MYO15B: variants seen among roughly 807,000 people sequenced by gnomAD.
MYO15B encodes myosin XVB.
In MYO15B, 207 loss-of-function variants were observed where a neutral mutation model predicts 119.3. The ratio of observed to expected loss-of-function variants is 1.73; its 90% CI spans 1.55 to 1.95. The LOEUF is 1.95. Ranked by LOEUF, MYO15B falls within the 30% of genes most tolerant of loss-of-function variation. MYO15B has a pLI of 0.00. For missense variants in MYO15B, 2,264 were observed against 1,203.1 expected (o/e 1.88, Z -13.04); for synonymous variants, 966 against 498.9 (o/e 1.94, Z -12.48).
Position 75,616,141 on chromosome 17 carries a change from AG to A in MYO15B, c.6105del (p.Met2036TrpfsTer8), listed in dbSNP as rs2058357073. On this transcript the variant is annotated frameshift_variant, in exon 37 of 64. Coordinates refer to ENST00000645453, the Ensembl canonical transcript of MYO15B. LOFTEE classifies it high-confidence loss of function. Reference sequence around the variant, plus strand: ...CCAGCAGAAACGGAACTATTTCCAGAGGATGGGTGAGGGCACTTGGGGTGGC... The same window carrying A: ...CCAGCAGAAACGGAACTATTTCCAGAGATGGGTGAGGGCACTTGGGGTGGC... 1 of 563,666 alleles carries A rather than the reference AG, an allele frequency of 1.8e-6. No homozygotes were observed. Among genetic ancestry groups the A allele is most frequent in the South Asian group, 2.4e-5 (1 of 41,248 alleles). 34.9% of individuals were successfully genotyped at this position (563,666 alleles called of 1,614,324 possible).
intron 21 of MYO15B, among the ~76,000 whole-genome samples, chr17:75,609,186 A>G (rs1024341570): frequency 6.6e-6 from 1 of 150,422 alleles, no homozygotes; most frequent in Non-Finnish European, 1.5e-5. Context: ...CAGTGGTGTT[A>G]CTTTTTAATA....
chr17:75,614,531 T>C, intron 30 of MYO15B, 52 bp from the exon 31 acceptor site: 1 of 583,250 alleles, frequency 1.7e-6, no homozygotes, highest in East Asian at 3.4e-5. Flanking sequence ...TGCCCCAGCC[T>C]GGGTGACCCT....
chr17:75,605,936 G>A (rs893414998), exon 21 of MYO15B: 4 of 702,562 alleles, frequency 5.7e-6, no homozygotes, highest in African/African-American at 3.5e-5. Flanking sequence ...GGCCCTGGTC[G>A]ACCTGCACCG....
Position 75,603,018 on chromosome 17 carries a change from C to T in MYO15B, c.3846-14C>T, listed in dbSNP as rs753415810. On this transcript the variant is annotated splice_polypyrimidine_tract_variant and intron_variant, in intron 17 of 63. Coordinates refer to ENST00000645453, the Ensembl canonical transcript of MYO15B. ...TCCAGTCTGTGCCCGAGTGACCCCT[C>T]TTTCCCTCATCAGGAGCCATGTCTA... is the stretch of plus-strand genomic sequence containing the variant. 51 of 703,190 alleles carry T rather than the reference C, an allele frequency of 7.3e-5. No homozygotes were observed. Among genetic ancestry groups the T allele is most frequent in the Non-Finnish European group, 1.2e-4 (46 of 385,056 alleles). 43.6% of individuals were successfully genotyped at this position (703,190 alleles called of 1,614,324 possible). A position where few individuals can be genotyped will look rare whatever the true frequency, so the allele number is the denominator to read the frequency against.
chr17:75,615,317 G>T (rs1332457943), exon 34 of MYO15B: 3 of 702,506 alleles, frequency 4.3e-6, no homozygotes, highest in Non-Finnish European at 7.8e-6. Flanking sequence ...GCCAGCAATG[G>T]GCACAGTCCC....
intron 9 of MYO15B, among the ~76,000 whole-genome samples, chr17:75,593,445 A>G (rs1288774732): frequency 6.6e-6 from 1 of 152,026 alleles, no homozygotes; most frequent in East Asian, 1.9e-4. Context: ...TAAAAATACA[A>G]AAATTAGCTG....
At chr17:75,593,044 C>A in intron 9 of MYO15B, 1 of 530,698 alleles carries the variant, frequency 1.9e-6, no homozygotes, top group Non-Finnish European at 3.3e-6. Flanking sequence ...AAGCTGCCAC[C>A]CCTAAGAACA....
At chr17:75,588,792 G>C (rs2056223311) in exon 1 of MYO15B, 1 of 398,634 alleles carries the variant, frequency 2.5e-6, no homozygotes, top group Admixed American at 4.4e-5. Context: ...CGAGTCCGCT[G>C]GGGACCGGAC....
intron 25 of MYO15B, among the ~76,000 whole-genome samples, chr17:75,612,256 C>T (rs915092728): frequency 1.3e-4 from 20 of 152,190 alleles, no homozygotes; most frequent in East Asian, 3.8e-4. Context: ...TTTAGATCCA[C>T]GATGCCACAC....
At chr17:75,611,481 A>AG (rs932427007) in intron 23 of MYO15B, 120 bp from the exon 24 acceptor site, 62 of 625,516 alleles carry the variant, frequency 9.9e-5, no homozygotes, top group Non-Finnish European at 1.6e-4. Context: ...AAAAAAAAAA[A>AG]AAAAAAAATC....
chr17:75,620,716 G>A, intron 49 of MYO15B, 80 bp downstream of exon 49: 1 of 691,942 alleles, frequency 1.4e-6, no homozygotes, highest in South Asian at 1.5e-5. Flanking sequence ...CCACTCCCGA[G>A]GCTGCCATGC....
intron 30 of MYO15B, 87 bp downstream of exon 30, chr17:75,614,447 G>A: frequency 1.5e-6 from 1 of 670,124 alleles, no homozygotes; most frequent in Non-Finnish European, 2.7e-6. Flanking sequence ...GTTTATAGGA[G>A]CTGCCACAGG....
rs2058594554 is a variant in MYO15B at position 75,619,806 on chromosome 17, T to C, written c.7301+7T>C. The stretch of plus-strand genomic sequence containing the variant: ...AGATTCTCTGCTCATACAGGTGCGC[T>C]AGCCCACGACCCTGGGCTAGAGGTG... On this transcript the variant is annotated splice_region_variant and intron_variant, in intron 46 of 63. Transcript: ENST00000645453. 1 of 702,668 alleles carries C rather than the reference T, an allele frequency of 1.4e-6. No individual in the cohort carries two copies. The highest frequency in any genetic ancestry group is 1.7e-5 in the African/African-American group (1 of 57,250). 43.5% of individuals were successfully genotyped at this position (702,668 alleles called of 1,614,324 possible).
At position 75,589,297 on chromosome 17, in the gene MYO15B, G is replaced by A; in HGVS notation, c.1240G>A (p.Gly414Arg). Residue 414 changes from glycine to arginine, a missense_variant, in exon 1 of 64, where the codon GGG becomes AGG. Physicochemically the swap from Gly to Arg is moderately radical, Grantham distance 125. Coordinates refer to ENST00000645453, the Ensembl canonical transcript of MYO15B. This position sits in a 1 kb window ranked among gnomAD's most constrained non-coding sequence, Gnocchi z 4.2. ...GTGGGGCCGCCGGAAACCGGACGAG[G>A]GGCGGGGTCATGGGAGAGGAAGCAA... is the stretch of plus-strand genomic sequence containing the variant. 1 of 394,204 alleles carries A rather than the reference G, an allele frequency of 2.5e-6. No individual in the cohort carries two copies. Among genetic ancestry groups the A allele is most frequent in the African/African-American group, 2.1e-5 (1 of 48,304 alleles). The allele number at this position is 394,204 out of a possible 1,614,324, so 24.4% of individuals were successfully genotyped here. A position where few individuals can be genotyped will look rare whatever the true frequency, so the allele number is the denominator to read the frequency against.
chr17:75,614,323 G>T (rs2058224511), exon 30 of MYO15B: 2 of 702,728 alleles, frequency 2.8e-6, no homozygotes, highest in Admixed American at 2.0e-5. Context: ...GGGGGACCCA[G>T]CTCGCCCCCG....
exon 19 of MYO15B, chr17:75,603,267 G>A (rs2057402039): frequency 1.4e-6 from 1 of 703,118 alleles, no homozygotes. Flanking sequence ...GGCACCCGCA[G>A]TGCCAACTTC....
At chr17:75,598,422 C>CA (rs2057014870) in intron 14 of MYO15B, among the ~76,000 whole-genome samples, 1 of 148,572 alleles carries the variant, frequency 6.7e-6, no homozygotes, top group South Asian at 2.1e-4. Flanking sequence ...ACTAAAAATA[C>CA]AAAAAATTAG....
intron 45 of MYO15B, 60 bp from the exon 46 acceptor site, chr17:75,619,621 G>A (rs998647250): frequency 4.3e-6 from 3 of 697,514 alleles, no homozygotes; most frequent in Non-Finnish European, 7.9e-6. Flanking sequence ...GGCAGCTCCA[G>A]GGCATCTTGG....
intron 12 of MYO15B, 176 bp from the exon 13 acceptor site, chr17:75,596,284 G>T: frequency 1.7e-6 from 1 of 591,230 alleles, no homozygotes. Context: ...CCTGTGGCTG[G>T]GCAGGGCTGA....
Sources: allele counts gnomAD v4.1 joint callset (sites outside exome capture counted in the v4.1 genomes callset), GRCh38; gene constraint gnomAD v4.1.1; non-coding constraint Gnocchi (gnomAD v3.1); transcripts MANE v1.5; gene names NCBI Gene and HGNC (gene_info 2026-07-23, HGNC 2026-07-21).